Variants in TTC3 observed in about 807,000 individuals in gnomAD.
The protein encoded by TTC3 is tetratricopeptide repeat domain 3, also known as E3 ubiquitin-protein ligase TTC3.
In TTC3, 180 loss-of-function variants were observed where a neutral mutation model predicts 249.6. The observed-to-expected ratio is 0.72, with a 90% CI of 0.64 to 0.82. The LOEUF is 0.82. Among genes scored for constraint, TTC3 ranks in the 40% least tolerant of loss-of-function variants. TTC3 has a pLI of 0.00. For synonymous variants in TTC3, 717 were observed against 805.0 expected, an observed-to-expected ratio of 0.89 and a Z score of 1.85; for missense variants, 2,061 against 2,398.4, an observed-to-expected ratio of 0.86 and a Z score of 2.94.
intron 27 of TTC3, among the ~76,000 whole-genome samples, chr21:37,156,149 A>G (rs548356130): frequency 6.6e-6 from 1 of 151,024 alleles, no homozygotes. Context: ...CAGTACCCCC[A>G]CCTCAGCCTC....
At chr21:37,129,588 C>A (rs554914973) in intron 16 of TTC3, among the ~76,000 whole-genome samples, 3 of 152,144 alleles carry the variant, frequency 2.0e-5, no homozygotes, top group Non-Finnish European at 4.4e-5. Flanking sequence ...TGAATTCTAT[C>A]AAACATCCCC....
intron 17 of TTC3, among the ~76,000 whole-genome samples, chr21:37,134,295 C>G (rs1354081532): frequency 6.6e-6 from 1 of 151,942 alleles, no homozygotes. Flanking sequence ...ACTAAAAATA[C>G]AAAAAATTAG....
intron 12 of TTC3, among the ~76,000 whole-genome samples, chr21:37,122,549 C>G (rs1005136395): frequency 2.6e-5 from 4 of 150,972 alleles, no homozygotes; most frequent in Non-Finnish European, 5.9e-5. Context: ...TTTTTGCTTT[C>G]TCCAATGCCT....
chr21:37,167,495 G>T, intron 33 of TTC3, 60 bp from the exon 34 acceptor site: 2 of 1,321,846 alleles, frequency 1.5e-6, no homozygotes, highest in South Asian at 2.5e-5. Flanking sequence ...ACTACTTGAT[G>T]GGCTTATTTT....
intron 41 of TTC3, among the ~76,000 whole-genome samples, chr21:37,193,608 C>G (rs190560688): frequency 8.5e-5 from 13 of 152,280 alleles, no homozygotes; most frequent in Admixed American, 8.5e-4. Flanking sequence ...TATCAATACT[C>G]AAAAGGATTT....
At chr21:37,130,531 G>A (rs1362482542) in intron 16 of TTC3, among the ~76,000 whole-genome samples, 1 of 152,054 alleles carries the variant, frequency 6.6e-6, no homozygotes, top group Non-Finnish European at 1.5e-5. Context: ...CTGGAACATA[G>A]TAAATCTTCA....
chr21:37,171,153 G>A (rs750045980), intron 34 of TTC3, among the ~76,000 whole-genome samples: 7 of 152,190 alleles, frequency 4.6e-5, no homozygotes, highest in Non-Finnish European at 1.0e-4. Flanking sequence ...ATTTTGGCCT[G>A]TTTACTGTTG....
Position 37,165,713 on chromosome 21 carries a change from A to G in TTC3, c.3499A>G (p.Asn1167Asp), listed in dbSNP as rs764405801. Residue 1167 changes from asparagine to aspartate, a missense_variant, in exon 33 of 46, where the codon AAC becomes GAC. This residue lies in a region of TTC3 where 1,040 missense variants were observed against 1,186.1 expected (regional missense o/e 0.88). Transcript: ENST00000355666. ...ATGCCCTCGTTTTGTTGTGATTGAC[A>G]ACTGTATTGCACTGAAGAAGGTTGC... 3.7e-6 allele frequency: 6 copies of G among 1,613,804 alleles called. No individual in the cohort carries two copies. In the South Asian group the frequency reaches 6.6e-5, roughly 18 times the overall value.
chr21:37,178,851 T>A (rs932300263), intron 35 of TTC3, among the ~76,000 whole-genome samples: 1 of 151,972 alleles, frequency 6.6e-6, no homozygotes, highest in African/African-American at 2.4e-5. Context: ...TCCCAGCTAC[T>A]TGGGAGGCTG....
intron 10 of TTC3, chr21:37,108,111 A>T: frequency 3.9e-6 from 1 of 259,512 alleles, no homozygotes; most frequent in Non-Finnish European, 7.4e-6. Context: ...TGCTATGCAT[A>T]GGTACAATGT....
At position 37,103,588 on chromosome 21, in the gene TTC3, C is replaced by CTAA. The variant is rs554092853; in HGVS notation, c.846-4802_846-4800dup. Among the ~76,000 whole-genome samples, 223 of 152,232 alleles carry CTAA rather than the reference C, an allele frequency of 1.5e-3. 2 individuals are homozygous for CTAA. Among genetic ancestry groups the CTAA allele is most frequent in the African/African-American group, 4.9e-3 (204 of 41,514 alleles). On this transcript the variant is annotated intron_variant, in intron 10 of 45. Transcript: ENST00000355666. The stretch of plus-strand genomic sequence containing the variant: ...TATTAATATTAATTGCATTCATATA[C>CTAA]TAATTGTGATATTTATAATATATGC...
intron 1 of TTC3, among the ~76,000 whole-genome samples, chr21:37,081,383 TG>T (rs1387449244): frequency 6.6e-6 from 1 of 152,006 alleles, no homozygotes; most frequent in African/African-American, 2.4e-5. Flanking sequence ...CCCAAAGTGC[TG>T]GGATTACAGG....
chr21:37,108,149 T>C, intron 10 of TTC3: 1 of 382,608 alleles, frequency 2.6e-6, no homozygotes, highest in South Asian at 4.2e-5. Context: ...ACTTCAGAAA[T>C]ATTAAAAGTA....
intron 34 of TTC3, among the ~76,000 whole-genome samples, chr21:37,169,847 CAAA>C: frequency 8.6e-6 from 1 of 115,858 alleles, no homozygotes; most frequent in South Asian, 3.1e-4. Context: ...GACTCTGTCT[CAAA>C]AAAAAAAAAA....
chr21:37,117,835 C>CAAAAAAAA (rs60664616), intron 11 of TTC3, among the ~76,000 whole-genome samples: 9 of 73,254 alleles, frequency 1.2e-4, no homozygotes, highest in Non-Finnish European at 1.5e-4. Context: ...TGCGCCACTT[C>CAAAAAAAA]AAAAAAAAAA....
At chr21:37,098,952 G>C (rs1277446230) in intron 10 of TTC3, 1 of 152,126 alleles carries the variant, frequency 6.6e-6, no homozygotes, top group Admixed American at 6.5e-5. Flanking sequence ...GGACAGCTGG[G>C]GGTAAAGCAT....
chr21:37,180,501 A>G (rs538028646), intron 35 of TTC3, among the ~76,000 whole-genome samples: 2 of 150,704 alleles, frequency 1.3e-5, no homozygotes, highest in East Asian at 3.9e-4. Flanking sequence ...TCAGTAAACT[A>G]TCGCAAGAAC....
chr21:37,096,873 A>G (rs545321645), intron 10 of TTC3: 84 of 376,312 alleles, frequency 2.2e-4, no homozygotes, highest in Middle Eastern at 7.4e-4. Flanking sequence ...AGTGCTTTGC[A>G]TATGTTATTT....
chr21:37,169,746 G>A (rs112953649), intron 34 of TTC3, among the ~76,000 whole-genome samples: 18,688 of 151,308 alleles, frequency 0.12, 1,276 homozygotes, highest in Admixed American at 0.16. Context: ...TACTTGGGAG[G>A]CTGAGGCAGG....
Sources: allele counts gnomAD v4.1 joint callset (sites outside exome capture counted in the v4.1 genomes callset), GRCh38; gene constraint gnomAD v4.1.1; regional missense constraint gnomAD v4.1.1; transcripts MANE v1.5; gene names NCBI Gene and HGNC (gene_info 2026-07-23, HGNC 2026-07-21).